IL9R: variants seen among roughly 807,000 people sequenced by gnomAD.
The protein encoded by IL9R is interleukin 9 receptor, also known as interleukin-9 receptor.
A neutral mutation model predicts 56.3 loss-of-function variants in IL9R; 54 were observed. The observed-to-expected ratio is 0.96, with a 90% CI of 0.77 to 1.20. IL9R has a LOEUF of 1.20. Among genes scored for constraint, IL9R ranks in the 50% most tolerant of loss-of-function variants. IL9R has a pLI of 0.00. For missense variants in IL9R, 545 were observed against 629.8 expected (o/e 0.87, Z 1.44); for synonymous variants, 212 against 250.2 (o/e 0.85, Z 1.44).
At position 156,006,099 on chromosome X, in the gene IL9R, C is replaced by T. The variant is rs752400466; in HGVS notation, c.798C>T (p.Pro266=). Residue 266 remains proline (P), a synonymous_variant, in exon 7 of 9, where the codon CCC becomes CCT. Transcript: ENST00000244174. Reference sequence around the variant, plus strand: ...TGTCCACAGGCCCTCTGATCCCACCCTGGGGGTGGCCAGGCAACACCCTTG... The same window carrying T: ...TGTCCACAGGCCCTCTGATCCCACCTTGGGGGTGGCCAGGCAACACCCTTG... ...APQRQGPLIP[P]WGWPGNTLVA... The T allele has an allele frequency of 2.3e-5, 37 of 1,600,372 alleles. No individual in the cohort carries two copies. In the African/African-American group the frequency reaches 4.2e-4, roughly 18 times the overall value.
intron 8 of IL9R, among the ~76,000 whole-genome samples, chrX:156,009,326 CTGTG>C (rs1399403207): frequency 0.019 from 2,388 of 125,014 alleles, 24 homozygotes; most frequent in African/African-American, 0.072. Context: ...GTGTTTATGT[CTGTG>C]TGTGTTTGTG....
chrX:156,004,226 G>T, intron 4 of IL9R, 194 bp from the exon 5 acceptor site: 1 of 616,640 alleles, frequency 1.6e-6, no homozygotes, highest in South Asian at 2.0e-5. Context: ...TAGTCTAGGT[G>T]CAGAGGCCAG....
At chrX:156,005,051 T>G (rs1421483081) in intron 5 of IL9R, among the ~76,000 whole-genome samples, 1 of 152,116 alleles carries the variant, frequency 6.6e-6, no homozygotes, top group Admixed American at 6.5e-5. Context: ...TAGACATGTT[T>G]GCCTGTGTGT....
intron 4 of IL9R, 130 bp downstream of exon 4, chrX:156,003,985 C>G: frequency 1.0e-6 from 1 of 996,182 alleles, no homozygotes; most frequent in East Asian, 2.6e-5. Context: ...CGAGTGAGAT[C>G]CAGGGCTGGG....
chrX:156,007,482 T>C (rs1295922498), intron 7 of IL9R, 41 bp from the exon 8 acceptor site: 1 of 908,736 alleles, frequency 1.1e-6, no homozygotes, highest in African/African-American at 1.8e-5. Context: ...TCAGGCCACC[T>C]GGGTCGCCAT....
intron 5 of IL9R, among the ~76,000 whole-genome samples, chrX:156,004,962 A>G (rs2067815750): frequency 6.6e-6 from 1 of 151,814 alleles, no homozygotes; most frequent in African/African-American, 2.4e-5. Context: ...TGTGTATGTG[A>G]GTGTGGTGAG....
chrX:156,008,392 C>A (rs1228308405), intron 8 of IL9R, among the ~76,000 whole-genome samples: 1 of 151,104 alleles, frequency 6.6e-6, no homozygotes, highest in East Asian at 1.9e-4. Flanking sequence ...CAGAAAAATC[C>A]TTTTCTCTCT....
chrX:156,007,124 G>C (rs919783456), intron 7 of IL9R, among the ~76,000 whole-genome samples: 17 of 151,022 alleles, frequency 1.1e-4, no homozygotes, highest in African/African-American at 4.2e-4. Flanking sequence ...TTGTGGGAGG[G>C]TCAGTGGATC....
Position 156,007,544 on chromosome X carries a change from G to C in IL9R, c.909G>C (p.Gln303His). 1 of 1,326,644 alleles carries C rather than the reference G, an allele frequency of 7.5e-7. No homozygotes were observed. 82.2% of individuals were successfully genotyped at this position (1,326,644 alleles called of 1,614,324 possible). ...TCAGGGTGAAGAGAATCTTCTACCA[G>C]AACGTGCCCTCTCCAGCGATGTTCT... ...LSPRVKRIFY[Q>H]NVPSPAMFFQ... Residue 303 changes from glutamine (Q) to histidine (H), a missense_variant, in exon 8 of 9, where the codon CAG (glutamine) becomes CAC (histidine). Around this residue, in one of 2 missense-constraint regions of IL9R, gnomAD observed 114 missense variants for 269.8 expected, o/e 0.42. Coordinates refer to ENST00000244174, the MANE Select transcript of IL9R (RefSeq NM_002186.3).
intron 1 of IL9R, 153 bp from the exon 2 acceptor site, chrX:156,002,753 C>A (rs1028098895): frequency 4.3e-5 from 47 of 1,090,210 alleles, no homozygotes; most frequent in Non-Finnish European, 5.9e-5. Context: ...GACAGTGGTC[C>A]AGGACGCTGG....
In IL9R at chrX:156,004,456, T is replaced by A; in HGVS notation, c.470T>A (p.Ile157Asn). ...LDPPSDLQSN[I>N]SSGHCILTWS... is the part of the protein sequence containing the mutation. ...CCGCCCTCTGACTTGCAGAGCAACA[T>A]CAGTTCTGGCCACTGCATCCTGACC... The change falls in exon 5 of 9, where the codon ATC becomes AAC. Residue 157 changes from isoleucine to asparagine, a missense_variant. Ile to Asn is a moderately radical substitution (Grantham distance 149). This residue lies in a region of IL9R where 431 missense variants were observed against 360.0 expected (regional missense o/e 1.20). Coordinates refer to ENST00000244174, the MANE Select transcript of IL9R (RefSeq NM_002186.3). The A allele has an allele frequency of 6.2e-7, 1 of 1,613,838 alleles. No individual in the cohort carries two copies. The highest frequency in any genetic ancestry group is 8.5e-7 in the Non-Finnish European group (1 of 1,179,812).
rs748935258 is a variant in IL9R at position 156,005,475 on chromosome X, A to G, written c.777A>G (p.Arg259=). ...SQPVCFQAPQ[R]QGPLIPPWGW... is the part of the protein sequence containing the mutation. ...CTGTGTGCTTCCAGGCTCCCCAGAG[A>G]CAAGGTGGGCACTGCTGTGGCTGCT... The change falls in exon 6 of 9, where the codon AGA becomes AGG. Residue 259 remains arginine (R), a synonymous_variant. Coordinates refer to ENST00000244174, the MANE Select transcript of IL9R (RefSeq NM_002186.3). 6 of 1,612,332 alleles carry G rather than the reference A, an allele frequency of 3.7e-6. No individual in the cohort carries two copies. In the Admixed American group the frequency reaches 1.0e-4, roughly 27 times the overall value.
intron 8 of IL9R, among the ~76,000 whole-genome samples, chrX:156,009,365 C>A (rs1181046655): frequency 2.6e-5 from 3 of 113,702 alleles, no homozygotes; most frequent in Non-Finnish European, 5.4e-5. Context: ...GTGTGTGTGT[C>A]TGTGTGTATC....
At chrX:156,005,250 C>T in intron 5 of IL9R, 28 bp from the exon 6 acceptor site, 1 of 1,604,208 alleles carries the variant, frequency 6.2e-7, no homozygotes, top group Non-Finnish European at 8.5e-7. Context: ...CCACCTTCAC[C>T]ACCTGCTAAC....
At chrX:156,009,059 GTT>G (rs1317301340) in intron 8 of IL9R, among the ~76,000 whole-genome samples, 33 of 147,188 alleles carry the variant, frequency 2.2e-4, no homozygotes, top group African/African-American at 8.9e-4. Context: ...GTCTGTGTGT[GTT>G]TGTGTGTGTG....
chrX:155,998,876 G>A (rs750431896), intron 1 of IL9R, among the ~76,000 whole-genome samples: 62 of 152,046 alleles, frequency 4.1e-4, no homozygotes, highest in Non-Finnish European at 7.1e-4. Context: ...GGGGTGTTTT[G>A]GGCAGAGCAG....
At chrX:156,008,584 C>A (rs749455723) in intron 8 of IL9R, among the ~76,000 whole-genome samples, 1 of 152,306 alleles carries the variant, frequency 6.6e-6, no homozygotes, top group African/African-American at 2.4e-5. Context: ...GGACTGTCAT[C>A]CTGTTGCGGG....
intron 1 of IL9R, among the ~76,000 whole-genome samples, chrX:156,000,737 G>T (rs1262620432): frequency 6.6e-6 from 1 of 152,212 alleles, no homozygotes. Context: ...GGTCAAGGAT[G>T]GGGGAAGGCA....
chrX:155,997,934 T>C, intron 1 of IL9R, 147 bp downstream of exon 1: 1 of 760,916 alleles, frequency 1.3e-6, no homozygotes, highest in Non-Finnish European at 2.3e-6. Context: ...TCTGGTGTCC[T>C]GGCCTTGTGT....
Sources: gnomAD v4.1 joint callset for allele counts (sites outside exome capture counted in the v4.1 genomes callset) on GRCh38, gnomAD v4.1.1 for gene constraint, gnomAD v4.1.1 regional missense constraint, MANE v1.5 for transcripts, NCBI Gene and HGNC (gene_info 2026-07-23, HGNC 2026-07-21) for gene names.